The following DOK6 variants were observed in gnomAD, a reference collection of about 807,000 sequenced individuals.
The protein encoded by DOK6 is docking protein 6.
DOK6 carries 22 observed loss-of-function variants against 44.0 expected under a neutral mutation model. The observed-to-expected ratio is 0.50, with a 90% CI of 0.36 to 0.71. The LOEUF (loss-of-function observed/expected upper bound fraction) is 0.71, where lower values mean the gene tolerates loss of function less well. Among genes scored for constraint, DOK6 ranks in the 30% least tolerant of loss-of-function variants. The pLI is 0.00. For missense variants in DOK6, 340 were observed against 416.4 expected (o/e 0.82, Z 1.60); for synonymous variants, 166 against 145.5 (o/e 1.14, Z -1.01).
chr18:69,420,354 C>T (rs1006393190), intron 1 of DOK6, among the ~76,000 whole-genome samples: 5 of 152,040 alleles, frequency 3.3e-5, no homozygotes, highest in Admixed American at 3.3e-4. Flanking sequence ...GCAACTTTTA[C>T]AGCAAGTGAA....
intron 1 of DOK6, among the ~76,000 whole-genome samples, chr18:69,559,366 G>A (rs1200483865): frequency 2.0e-5 from 3 of 152,056 alleles, no homozygotes; most frequent in African/African-American, 7.2e-5. Context: ...GACAGTACAG[G>A]GGAAAGCATT....
chr18:69,641,008 T>G (rs1312535192), intron 3 of DOK6, among the ~76,000 whole-genome samples: 1 of 151,810 alleles, frequency 6.6e-6, no homozygotes, highest in Non-Finnish European at 1.5e-5. Flanking sequence ...GATCAGGAGA[T>G]CGATCGAGAC....
At chr18:69,406,909 C>T (rs951835162) in intron 1 of DOK6, among the ~76,000 whole-genome samples, 1 of 152,066 alleles carries the variant, frequency 6.6e-6, no homozygotes, top group Non-Finnish European at 1.5e-5. Flanking sequence ...TGTGAAACCT[C>T]GTCTCTACTA....
intron 1 of DOK6, among the ~76,000 whole-genome samples, chr18:69,523,692 T>C (rs1333653943): frequency 6.6e-6 from 1 of 151,968 alleles, no homozygotes; most frequent in Non-Finnish European, 1.5e-5. Context: ...TTTTCTTGTC[T>C]CTTTGGTGTT....
chr18:69,597,932 G>A (rs73455897), intron 2 of DOK6, among the ~76,000 whole-genome samples: 3,145 of 152,278 alleles, frequency 0.021, 123 homozygotes, highest in African/African-American at 0.07. Context: ...ATGATCAACT[G>A]TAACTTTAAA....
intron 5 of DOK6, among the ~76,000 whole-genome samples, chr18:69,706,347 T>A (rs1421778286): frequency 6.6e-6 from 1 of 152,148 alleles, no homozygotes; most frequent in East Asian, 1.9e-4. Flanking sequence ...CCTATCTGGT[T>A]TTCAGAAGAA....
chr18:69,745,321 G>C (rs1055078109), intron 6 of DOK6, among the ~76,000 whole-genome samples: 1 of 152,018 alleles, frequency 6.6e-6, no homozygotes, highest in Non-Finnish European at 1.5e-5. Flanking sequence ...ACAATATAAA[G>C]AAAGCTGCAC....
At chr18:69,759,829 T>C (rs1979484562) in intron 7 of DOK6, among the ~76,000 whole-genome samples, 1 of 152,076 alleles carries the variant, frequency 6.6e-6, no homozygotes. Context: ...CAGTATTTCA[T>C]GTTTCTCTGG....
chr18:69,651,557 T>G (rs1454855397), intron 3 of DOK6, among the ~76,000 whole-genome samples: 5 of 150,396 alleles, frequency 3.3e-5, no homozygotes, highest in Non-Finnish European at 1.5e-5. Flanking sequence ...AGCGCGATCT[T>G]GGCTTGCTGC....
At chr18:69,419,846 A>T (rs1978436587) in intron 1 of DOK6, among the ~76,000 whole-genome samples, 1 of 152,160 alleles carries the variant, frequency 6.6e-6, no homozygotes, top group Non-Finnish European at 1.5e-5. Flanking sequence ...TCAGAACTGC[A>T]CCATTATGGT....
chr18:69,654,125 G>A (rs1041310589), intron 3 of DOK6, among the ~76,000 whole-genome samples: 1 of 152,148 alleles, frequency 6.6e-6, no homozygotes, highest in Non-Finnish European at 1.5e-5. Context: ...GAGGGTGTTA[G>A]TAAACAGAAA....
intron 1 of DOK6, among the ~76,000 whole-genome samples, chr18:69,426,443 T>A (rs1003067261): frequency 6.6e-6 from 1 of 152,204 alleles, no homozygotes; most frequent in African/African-American, 2.4e-5. Flanking sequence ...TGGTTCAACT[T>A]AATTTACAAA....
At chr18:69,409,502 C>T (rs1978297731) in intron 1 of DOK6, among the ~76,000 whole-genome samples, 2 of 152,152 alleles carry the variant, frequency 1.3e-5, no homozygotes, top group Admixed American at 6.5e-5. Flanking sequence ...CCAAATGGCA[C>T]ATTACTACCC....
chr18:69,461,555 A>G (rs752923528), intron 1 of DOK6, among the ~76,000 whole-genome samples: 1 of 152,122 alleles, frequency 6.6e-6, no homozygotes, highest in Non-Finnish European at 1.5e-5. Context: ...TCTGAATCAT[A>G]TCACCTCTTG....
At chr18:69,802,412 C>A (rs1980929727) in intron 7 of DOK6, among the ~76,000 whole-genome samples, 1 of 152,100 alleles carries the variant, frequency 6.6e-6, no homozygotes, top group Non-Finnish European at 1.5e-5. Flanking sequence ...GTACTTGTTA[C>A]AGAAATAAAT....
At chr18:69,540,683 G>T (rs944078025) in intron 1 of DOK6, among the ~76,000 whole-genome samples, 1 of 151,898 alleles carries the variant, frequency 6.6e-6, no homozygotes, top group South Asian at 2.1e-4. Flanking sequence ...AATGATTACG[G>T]TATGTATATT....
chr18:69,822,451 G>C (rs1001931387), intron 7 of DOK6, among the ~76,000 whole-genome samples: 2 of 142,112 alleles, frequency 1.4e-5, no homozygotes, highest in African/African-American at 5.2e-5. Context: ...ATTCCCAAAA[G>C]ATGATGTAAA....
At chr18:69,669,535 T>C (rs1985743356) in intron 3 of DOK6, among the ~76,000 whole-genome samples, 1 of 152,186 alleles carries the variant, frequency 6.6e-6, no homozygotes, top group African/African-American at 2.4e-5. Context: ...ATGCTTGGCC[T>C]TTTATATGAC....
At chr18:69,721,265 A>C (rs1363061680) in intron 5 of DOK6, 1 of 152,200 alleles carries the variant, frequency 6.6e-6, no homozygotes, top group Admixed American at 6.5e-5. Flanking sequence ...AATAGGCCCC[A>C]AGAAATATAT....
Sources: gnomAD v4.1 joint callset for allele counts (sites outside exome capture counted in the v4.1 genomes callset) on GRCh38, gnomAD v4.1.1 for gene constraint, MANE v1.5 for transcripts, NCBI Gene and HGNC (gene_info 2026-07-23, HGNC 2026-07-21) for gene names.